Variants in CMTM7 observed in about 807,000 individuals in gnomAD.
CMTM7 encodes CKLF like MARVEL transmembrane domain containing 7.
CMTM7 carries 7 observed loss-of-function variants against 19.3 expected under a neutral mutation model. That is an observed-to-expected ratio of 0.36 (90% confidence interval 0.21 to 0.68). CMTM7 has a LOEUF of 0.68. Ranked by LOEUF, CMTM7 falls within the 30% of genes least tolerant of loss-of-function variation. The probability of loss-of-function intolerance (pLI) is 0.60; values close to 1 mark genes in which losing one functional copy is unlikely to be tolerated. For synonymous variants in CMTM7, 87 were observed against 99.3 expected, an observed-to-expected ratio of 0.88 and a Z score of 0.74; for missense variants, 193 against 232.6, an observed-to-expected ratio of 0.83 and a Z score of 1.11.
chr3:32,453,191 A>C (rs1696862672), intron 4 of CMTM7, among the ~76,000 whole-genome samples: 1 of 152,080 alleles, frequency 6.6e-6, no homozygotes, highest in Admixed American at 6.5e-5. Flanking sequence ...CCATAGTACC[A>C]GCTACTCAGG....
intron 1 of CMTM7, among the ~76,000 whole-genome samples, chr3:32,433,950 G>T (rs1373736128): frequency 1.3e-5 from 2 of 152,018 alleles, no homozygotes; most frequent in Non-Finnish European, 2.9e-5. Context: ...CATTTTGGGA[G>T]GCCGAGGCGG....
chr3:32,425,108 G>A (rs1169276507), intron 1 of CMTM7, among the ~76,000 whole-genome samples: 2 of 152,224 alleles, frequency 1.3e-5, no homozygotes, highest in Non-Finnish European at 2.9e-5. Flanking sequence ...GTGGTCTAGA[G>A]CAGGTGCCTC....
intron 1 of CMTM7, among the ~76,000 whole-genome samples, chr3:32,433,706 G>C (rs1183006318): frequency 6.6e-6 from 1 of 152,272 alleles, no homozygotes; most frequent in African/African-American, 2.4e-5. Context: ...TTAAATGCAA[G>C]AGTGTCATGG....
chr3:32,427,530 G>A (rs1696451321), intron 1 of CMTM7, among the ~76,000 whole-genome samples: 1 of 152,166 alleles, frequency 6.6e-6, no homozygotes, highest in African/African-American at 2.4e-5. Flanking sequence ...CTAGCTACAT[G>A]AGGGCTATAT....
intron 1 of CMTM7, among the ~76,000 whole-genome samples, chr3:32,437,778 C>T (rs1376027494): frequency 1.3e-5 from 2 of 152,048 alleles, no homozygotes; most frequent in Non-Finnish European, 2.9e-5. Flanking sequence ...GTAATCCCAG[C>T]TACTTGTGAG....
At chr3:32,428,268 A>C (rs1696462274) in intron 1 of CMTM7, among the ~76,000 whole-genome samples, 1 of 152,194 alleles carries the variant, frequency 6.6e-6, no homozygotes. Flanking sequence ...CCCCATTGCC[A>C]GAGGTGGCCA....
chr3:32,420,098 G>C (rs1333315957), intron 1 of CMTM7, among the ~76,000 whole-genome samples: 1 of 152,182 alleles, frequency 6.6e-6, no homozygotes, highest in Non-Finnish European at 1.5e-5. Flanking sequence ...CAAGTGCTGG[G>C]TCCCTGTTGT....
At chr3:32,441,492 G>A (rs138723331) in intron 1 of CMTM7, among the ~76,000 whole-genome samples, 8 of 152,280 alleles carry the variant, frequency 5.3e-5, no homozygotes, top group African/African-American at 1.9e-4. Flanking sequence ...TGTCCTCTTT[G>A]CTCTATGGAT....
At chr3:32,418,071 G>A (rs1318349352) in intron 1 of CMTM7, among the ~76,000 whole-genome samples, 4 of 152,050 alleles carry the variant, frequency 2.6e-5, no homozygotes, top group Admixed American at 6.6e-5. Context: ...CTCCACCTGC[G>A]TCAGCCTCCC....
chr3:32,441,048 G>T (rs541228550), intron 1 of CMTM7, among the ~76,000 whole-genome samples: 26 of 152,322 alleles, frequency 1.7e-4, no homozygotes, highest in Middle Eastern at 3.4e-3. Context: ...TGCCCTGATG[G>T]TGAGCAGCCT....
At position 32,449,432 on chromosome 3, in the gene CMTM7, T is replaced by C. The variant is rs762278617; in HGVS notation, c.334-22T>C. On this transcript the variant is annotated intron_variant, in intron 2 of 4. Transcript: ENST00000334983. This position sits in a 1 kb window ranked among gnomAD's most constrained non-coding sequence, Gnocchi z 4.5. ...AGAAATGGACGGCCCTACCCACTTA[T>C]TTGCTTTGTTTCTGCCCCCAGGAAC... 4.5e-6 allele frequency: 7 copies of C among 1,566,082 alleles called. No individual in the cohort carries two copies. The highest frequency in any genetic ancestry group is 4.4e-5 in the South Asian group (4 of 90,020).
chr3:32,442,208 A>G lies in CMTM7; in HGVS notation c.333+195A>G, dbSNP rs116268747. Among the ~76,000 whole-genome samples the G allele has an allele frequency of 8.4e-3, 1,272 of 152,162 alleles. 20 individuals are homozygous for G. Among genetic ancestry groups the G allele is most frequent in the African/African-American group, 0.029 (1,216 of 41,500 alleles). Reference sequence around the variant, plus strand: ...TGCTGGTTTTTAAAACTCACTTTCCAGCTACAAGAAGGCTGTGGCTGGCCG... The same window carrying G: ...TGCTGGTTTTTAAAACTCACTTTCCGGCTACAAGAAGGCTGTGGCTGGCCG... On this transcript the variant is annotated intron_variant, in intron 2 of 4. Transcript: ENST00000334983.
chr3:32,425,970 A>G (rs907878844), intron 1 of CMTM7, among the ~76,000 whole-genome samples: 5 of 151,984 alleles, frequency 3.3e-5, no homozygotes, highest in Non-Finnish European at 7.4e-5. Flanking sequence ...ACATGGAGAA[A>G]CCCCATCTCT....
intron 1 of CMTM7, among the ~76,000 whole-genome samples, chr3:32,412,322 C>T (rs1031970942): frequency 3.9e-5 from 6 of 151,996 alleles, no homozygotes; most frequent in South Asian, 2.1e-4. Context: ...CCATCTCTAC[C>T]AAAAATGCAA....
intron 2 of CMTM7, among the ~76,000 whole-genome samples, chr3:32,445,842 C>A (rs1178747892): frequency 2.0e-5 from 3 of 152,100 alleles, no homozygotes; most frequent in African/African-American, 7.2e-5. Context: ...GTTGGGCCAA[C>A]CTTGCATTCC....
intron 1 of CMTM7, among the ~76,000 whole-genome samples, chr3:32,435,334 G>A (rs1696582275): frequency 1.3e-5 from 2 of 152,340 alleles, no homozygotes; most frequent in South Asian, 4.1e-4. Context: ...AACCCGGCAG[G>A]CAGAGCTTGC....
chr3:32,442,020 G>A lies in CMTM7; in HGVS notation c.333+7G>A. 6.2e-7 allele frequency: 1 copy of A among 1,613,790 alleles called. No individual in the cohort carries two copies. The highest frequency in any genetic ancestry group is 1.1e-5 in the South Asian group (1 of 91,058). On this transcript the variant is annotated splice_region_variant and intron_variant, in intron 2 of 4. Transcript: ENST00000334983. ...TATCAGCTGGCCCCTGTCGGTAAGA[G>A]AGTGGTCTGGCCCTGTCCTCCGCAT...
intron 1 of CMTM7, among the ~76,000 whole-genome samples, chr3:32,432,238 C>T (rs1575120526): frequency 3.9e-5 from 6 of 152,356 alleles, no homozygotes; most frequent in Admixed American, 3.9e-4. Context: ...CAGCATTGCA[C>T]TGCCTGGTAC....
chr3:32,403,435 A>G (rs975325359), intron 1 of CMTM7, among the ~76,000 whole-genome samples: 5 of 150,856 alleles, frequency 3.3e-5, no homozygotes. Context: ...CTACTCTTGA[A>G]CTCCTAGGCT....
Sources: allele counts gnomAD v4.1 joint callset (sites outside exome capture counted in the v4.1 genomes callset), GRCh38; gene constraint gnomAD v4.1.1; non-coding constraint Gnocchi (gnomAD v3.1); transcripts MANE v1.5; gene names NCBI Gene and HGNC (gene_info 2026-07-23, HGNC 2026-07-21).